Variants in ADAMTSL1 observed in about 807,000 individuals in gnomAD.
ADAMTSL1 encodes the protein ADAMTS-like protein 1.
Under a neutral mutation model 201.8 loss-of-function variants are expected in ADAMTSL1, and 126 were observed. The ratio of observed to expected loss-of-function variants is 0.62; its 90% CI spans 0.54 to 0.72. ADAMTSL1 has a LOEUF of 0.72. ADAMTSL1 is among the 30% of genes least tolerant of loss of function. The pLI, the probability that ADAMTSL1 is intolerant of heterozygous loss-of-function variation, is 0.00. For missense variants in ADAMTSL1, 2,679 were observed against 2,277.8 expected (o/e 1.18, Z -3.59); for synonymous variants, 1,121 against 903.4 (o/e 1.24, Z -4.32).
At chr9:18,600,390 G>A (rs1164731786) in intron 4 of ADAMTSL1, among the ~76,000 whole-genome samples, 1 of 152,202 alleles carries the variant, frequency 6.6e-6, no homozygotes, top group South Asian at 2.1e-4. Context: ...TAACTTGTGA[G>A]TGACTGAATT....
intron 2 of ADAMTSL1, among the ~76,000 whole-genome samples, chr9:18,221,135 C>A (rs1587341610): frequency 6.6e-6 from 1 of 152,168 alleles, no homozygotes; most frequent in Non-Finnish European, 1.5e-5. Flanking sequence ...TAGTAGATAT[C>A]ATGCCTTCCT....
chr9:18,171,618 A>G (rs1024483020), intron 2 of ADAMTSL1, among the ~76,000 whole-genome samples: 1 of 152,106 alleles, frequency 6.6e-6, no homozygotes, highest in Non-Finnish European at 1.5e-5. Context: ...ATTTTCTCCC[A>G]TTCTATAGGT....
intron 4 of ADAMTSL1, among the ~76,000 whole-genome samples, chr9:18,596,861 G>C (rs73644618): frequency 6.6e-6 from 1 of 152,118 alleles, no homozygotes; most frequent in African/African-American, 2.4e-5. Context: ...CGTAGACAAG[G>C]CTCTAAGGTC....
intron 1 of ADAMTSL1, among the ~76,000 whole-genome samples, chr9:18,480,591 GTGT>G (rs1393146200): frequency 6.6e-6 from 1 of 152,190 alleles, no homozygotes; most frequent in Non-Finnish European, 1.5e-5. Flanking sequence ...TTTGGGAAAG[GTGT>G]TGTTTGTTAT....
chr9:18,245,931 A>T (rs2132469414), intron 2 of ADAMTSL1, among the ~76,000 whole-genome samples: 1 of 152,236 alleles, frequency 6.6e-6, no homozygotes, highest in African/African-American at 2.4e-5. Flanking sequence ...TGTGGTCTGA[A>T]TTGAAATCTT....
chr9:18,087,217 G>T (rs1397741916), intron 1 of ADAMTSL1, among the ~76,000 whole-genome samples: 1 of 151,980 alleles, frequency 6.6e-6, no homozygotes, highest in African/African-American at 2.4e-5. Flanking sequence ...TTTTAAAAAT[G>T]CTTTCAGCCA....
intron 20 of ADAMTSL1, among the ~76,000 whole-genome samples, chr9:18,809,313 C>T (rs1470297102): frequency 6.6e-6 from 1 of 152,096 alleles, no homozygotes; most frequent in Non-Finnish European, 1.5e-5. Flanking sequence ...CGGAAGAGAG[C>T]CGTGCAGAAG....
In ADAMTSL1 at chr9:18,066,639, T is replaced by G. The variant is rs567505069; in HGVS notation, c.88-97223T>G. Among the ~76,000 whole-genome samples the G allele has an allele frequency of 3.2e-4, 49 of 152,328 alleles. No homozygotes were observed. In the South Asian group the frequency reaches 7.9e-3, roughly 24 times the overall value. ...TTTGTTGTTGTTTATTCCCTTAATT[T>G]AAACAGCAATTCTAGGTGAAATTTA... is the stretch of plus-strand genomic sequence containing the variant. On this transcript the variant is annotated intron_variant, in intron 1 of 29. Coordinates refer to the ADAMTSL1 transcript ENST00000680146.
chr9:18,348,506 G>A (rs1472431577), intron 2 of ADAMTSL1, among the ~76,000 whole-genome samples: 8 of 152,166 alleles, frequency 5.3e-5, no homozygotes, highest in Non-Finnish European at 1.2e-4. Flanking sequence ...AAATGAATAC[G>A]AAGTATAACA....
chr9:18,700,434 C>G (rs1831854773), intron 13 of ADAMTSL1, among the ~76,000 whole-genome samples: 1 of 152,076 alleles, frequency 6.6e-6, no homozygotes, highest in Non-Finnish European at 1.5e-5. Context: ...TTCCTTTTCT[C>G]TCTTCCAAGT....
At chr9:18,303,680 G>T (rs1268864079) in intron 2 of ADAMTSL1, among the ~76,000 whole-genome samples, 1 of 152,188 alleles carries the variant, frequency 6.6e-6, no homozygotes, top group Non-Finnish European at 1.5e-5. Flanking sequence ...GGAAAGGCAG[G>T]GATGGGGGTA....
At chr9:18,171,794 A>G (rs1287934016) in intron 2 of ADAMTSL1, among the ~76,000 whole-genome samples, 1 of 152,040 alleles carries the variant, frequency 6.6e-6, no homozygotes, top group Admixed American at 6.6e-5. Context: ...GTTTTCTTCT[A>G]GGGTTTTTAT....
chr9:18,805,381 G>A (rs1012073577), intron 20 of ADAMTSL1, among the ~76,000 whole-genome samples: 1 of 151,966 alleles, frequency 6.6e-6, no homozygotes, highest in African/African-American at 2.4e-5. Flanking sequence ...TTTCTTTAAC[G>A]TTTTGCTTTC....
chr9:18,313,369 G>T (rs1378473866), intron 2 of ADAMTSL1, among the ~76,000 whole-genome samples: 1 of 152,072 alleles, frequency 6.6e-6, no homozygotes, highest in African/African-American at 2.4e-5. Flanking sequence ...CCTCACCCCA[G>T]GTGAGTTACA....
intron 8 of ADAMTSL1, 46 bp from the exon 9 acceptor site, chr9:18,661,889 C>CATTG: frequency 6.3e-7 from 1 of 1,575,332 alleles, no homozygotes; most frequent in African/African-American, 1.4e-5. Context: ...AAATATATTG[C>CATTG]ATTGGCATGT....
intron 13 of ADAMTSL1, among the ~76,000 whole-genome samples, chr9:18,685,594 T>C (rs1830780503): frequency 6.6e-6 from 1 of 152,236 alleles, no homozygotes; most frequent in South Asian, 2.1e-4. Context: ...CTAAGCTCTG[T>C]GCTATTCACT....
At chr9:18,168,551 G>C (rs935368455) in intron 2 of ADAMTSL1, among the ~76,000 whole-genome samples, 3 of 151,684 alleles carry the variant, frequency 2.0e-5, no homozygotes, top group African/African-American at 7.3e-5. Context: ...TTGGTTCCAA[G>C]TCTTTGCTAT....
intron 2 of ADAMTSL1, among the ~76,000 whole-genome samples, chr9:18,427,572 C>T (rs913357932): frequency 2.6e-5 from 4 of 152,180 alleles, no homozygotes; most frequent in Admixed American, 6.5e-5. Flanking sequence ...TCTAAGAAAT[C>T]TGCTTCTTTT....
chr9:18,601,227 C>G (rs919396425), intron 4 of ADAMTSL1, among the ~76,000 whole-genome samples: 1 of 152,124 alleles, frequency 6.6e-6, no homozygotes, highest in Non-Finnish European at 1.5e-5. Context: ...ATTTAGTCTG[C>G]TCAACCTAAG....
Sources: allele counts gnomAD v4.1 joint callset (sites outside exome capture counted in the v4.1 genomes callset), GRCh38; gene constraint gnomAD v4.1.1; transcripts MANE v1.5; gene names NCBI Gene and HGNC (gene_info 2026-07-23, HGNC 2026-07-21).